The following SAP130 variants were observed in gnomAD, a reference collection of about 807,000 sequenced individuals.
The protein encoded by SAP130 is histone deacetylase complex subunit SAP130.
A neutral mutation model predicts 103.2 loss-of-function variants in SAP130; 16 were observed. The observed-to-expected ratio is 0.16, with a 90% CI of 0.10 to 0.24. The LOEUF (loss-of-function observed/expected upper bound fraction) is 0.24. Among genes scored for constraint, SAP130 ranks in the 10% least tolerant of loss-of-function variants. The pLI, the probability that SAP130 is intolerant of heterozygous loss-of-function variation, is 1.00. For missense variants in SAP130, 990 were observed against 1,359.7 expected, an observed-to-expected ratio of 0.73 and a Z score of 4.28; for synonymous variants, 477 against 497.0, an observed-to-expected ratio of 0.96 and a Z score of 0.53.
intron 2 of SAP130, among the ~76,000 whole-genome samples, chr2:128,020,143 TTTTA>T (rs1258948252): frequency 6.6e-6 from 1 of 152,212 alleles, no homozygotes; most frequent in Non-Finnish European, 1.5e-5. Flanking sequence ...AATTTTGGGT[TTTTA>T]TTCATTTGAC....
intron 12 of SAP130, among the ~76,000 whole-genome samples, chr2:127,991,688 C>G (rs1241897526): frequency 2.0e-5 from 3 of 152,136 alleles, no homozygotes; most frequent in African/African-American, 7.2e-5. Context: ...TCTTCAAAAT[C>G]TAGGGTATAT....
chr2:127,997,913 A>G (rs1683281851), intron 10 of SAP130, among the ~76,000 whole-genome samples: 1 of 152,188 alleles, frequency 6.6e-6, no homozygotes, highest in African/African-American at 2.4e-5. Context: ...CAGGAGTTCG[A>G]GACCAGCCTG....
chr2:127,970,541 TAAAAAAAAAAA>T (rs70985493), intron 15 of SAP130, among the ~76,000 whole-genome samples: 15 of 80,014 alleles, frequency 1.9e-4, no homozygotes, highest in Admixed American at 7.1e-4. Context: ...GACTCTGTCT[TAAAAAAAAAAA>T]AAAAAAAAAA....
At chr2:127,987,074 G>C (rs1682455920) in intron 13 of SAP130, 112 bp from the exon 14 acceptor site, 1 of 944,614 alleles carries the variant, frequency 1.1e-6, no homozygotes, top group South Asian at 1.6e-5. Flanking sequence ...TGTTCTAACT[G>C]TCCAATTTCA....
At chr2:128,016,625 C>A in intron 3 of SAP130, 78 bp from the exon 4 acceptor site, 1 of 1,463,802 alleles carries the variant, frequency 6.8e-7, no homozygotes, top group Non-Finnish European at 9.2e-7. Context: ...TAAGAGTGCA[C>A]AAATCGAACC....
At chr2:128,009,874 T>A (rs1214015648) in intron 7 of SAP130, among the ~76,000 whole-genome samples, 1 of 152,196 alleles carries the variant, frequency 6.6e-6, no homozygotes, top group Non-Finnish European at 1.5e-5. Flanking sequence ...CCGATAACCA[T>A]ATAGCTCACT....
Position 127,941,335 on chromosome 2 carries a change from G to A in SAP130, c.*671C>T, listed in dbSNP as rs534073717. On this transcript the variant is annotated 3_prime_UTR_variant, in exon 21 of 21. Transcript: ENST00000643581. ...TAACCAAGAATGTACTTCAGAACAA[G>A]GATCTGAGAGCAACTTATGGTGTTG... The A allele has an allele frequency of 6.6e-6, 1 of 152,288 alleles. No individual in the cohort carries two copies. The highest frequency in any genetic ancestry group is 1.9e-4 in the East Asian group (1 of 5,174). The allele number at this position is 152,288 out of a possible 1,614,324, so 9.4% of individuals were successfully genotyped here. A position where few individuals can be genotyped will look rare whatever the true frequency, so the allele number is the denominator to read the frequency against.
chr2:127,981,825 A>G (rs1308532893), intron 14 of SAP130, among the ~76,000 whole-genome samples: 1 of 134,770 alleles, frequency 7.4e-6, no homozygotes, highest in Non-Finnish European at 1.6e-5. Context: ...TCCCACCCCG[A>G]CCCAGTCCTC....
chr2:128,020,863 G>A (rs1022388620), intron 2 of SAP130, among the ~76,000 whole-genome samples: 1 of 152,088 alleles, frequency 6.6e-6, no homozygotes, highest in Admixed American at 6.5e-5. Context: ...GGGCATGATG[G>A]CGGTTGCCTG....
chr2:127,942,641 A>C lies in SAP130; in HGVS notation c.2902-104T>G. On this transcript the variant is annotated intron_variant, in intron 19 of 20. Coordinates refer to ENST00000643581, the MANE Select transcript of SAP130 (RefSeq NM_001330301.2). This position sits in a 1 kb window ranked among gnomAD's most constrained non-coding sequence, Gnocchi z 4.8. ...CAATCACCTTTGTAAACTGTCTAAG[A>C]GTTGTTTGGGTGACAACGTCCTTTC... The C allele has an allele frequency of 4.3e-6, 3 of 696,782 alleles. No individual in the cohort carries two copies. The highest frequency in any genetic ancestry group is 7.6e-6 in the Non-Finnish European group (3 of 392,794). 43.2% of individuals were successfully genotyped at this position (696,782 alleles called of 1,614,324 possible). A position where few individuals can be genotyped will look rare whatever the true frequency, so the allele number is the denominator to read the frequency against.
At chr2:128,027,008 A>T in intron 1 of SAP130, 1 of 1,244,684 alleles carries the variant, frequency 8.0e-7, no homozygotes, top group Non-Finnish European at 1.1e-6. Flanking sequence ...GACACCTCGG[A>T]GTGTGAGACC....
intron 15 of SAP130, among the ~76,000 whole-genome samples, chr2:127,961,510 T>C (rs1198938000): frequency 8.4e-5 from 8 of 95,024 alleles, no homozygotes; most frequent in Non-Finnish European, 1.8e-4. Context: ...ATATACCTCA[T>C]ACCTTGCTTT....
intron 15 of SAP130, among the ~76,000 whole-genome samples, chr2:127,964,933 A>C (rs1455298454): frequency 2.0e-5 from 3 of 151,218 alleles, no homozygotes; most frequent in Non-Finnish European, 4.4e-5. Flanking sequence ...CGGGAGGCGG[A>C]AGTTGCAGTG....
chr2:128,012,444 T>G (rs1175670190), intron 6 of SAP130, among the ~76,000 whole-genome samples: 1 of 152,084 alleles, frequency 6.6e-6, no homozygotes, highest in Non-Finnish European at 1.5e-5. Context: ...CACTTCAGCC[T>G]GGGCAACAGA....
Position 127,955,704 on chromosome 2 carries a change from T to C in SAP130, c.2064-360A>G, listed in dbSNP as rs1166337477. ...GGTTTCACCATGTTGCCCAGGCTGA[T>C]CTCCAACTCCTGAACTCAAGTGATC... On this transcript the variant is annotated intron_variant, in intron 15 of 20. Transcript: ENST00000643581. This position sits in a 1 kb window ranked among gnomAD's most constrained non-coding sequence, Gnocchi z 4.9. 2.0e-5 allele frequency among the ~76,000 whole-genome samples: 3 copies of C among 152,062 alleles called. No homozygotes were observed. Among genetic ancestry groups the C allele is most frequent in the Non-Finnish European group, 2.9e-5 (2 of 68,024 alleles).
At chr2:127,948,433 G>A (rs1333083601) in intron 18 of SAP130, among the ~76,000 whole-genome samples, 1 of 145,504 alleles carries the variant, frequency 6.9e-6, no homozygotes, top group Non-Finnish European at 1.5e-5. Flanking sequence ...TTTGCCTCCC[G>A]GGTTCAAGAG....
In SAP130 at chr2:127,996,551, C is replaced by CA. The variant is rs1314088544; in HGVS notation, c.1214-61dup. Reference sequence around the variant, plus strand: ...TACACTTTTTTTTGGCATGCCAAAACATTCTTGGCTAGCAGCAATCTTAGG... The same window carrying CA: ...TACACTTTTTTTTGGCATGCCAAAACAATTCTTGGCTAGCAGCAATCTTAGG... On this transcript the variant is annotated intron_variant, in intron 10 of 20. Transcript: ENST00000643581. The surrounding 1 kb of genome is among the most constrained non-coding windows in gnomAD (Gnocchi z 4.3). 195 of 1,381,470 alleles carry CA rather than the reference C, an allele frequency of 1.4e-4. No homozygotes were observed. Among genetic ancestry groups the CA allele is most frequent in the Admixed American group, 3.8e-4 (14 of 37,016 alleles). 85.6% of individuals were successfully genotyped at this position (1,381,470 alleles called of 1,614,324 possible). A position where few individuals can be genotyped will look rare whatever the true frequency, so the allele number is the denominator to read the frequency against.
chr2:128,017,898 G>T lies in SAP130; in HGVS notation c.130C>A (p.Arg44=). The T allele has an allele frequency of 6.2e-7, 1 of 1,614,016 alleles. No homozygotes were observed. Among genetic ancestry groups the T allele is most frequent in the South Asian group, 1.1e-5 (1 of 91,022 alleles). ...TCCCTGGCACTGACTTCAGAATCTC[G>T]ACCAGATTCATCATTGACTAGTAAA... ...PAATVNDESG[R]DSEVSAREHM... is the part of the protein sequence containing the mutation. Residue 44 remains arginine, a synonymous_variant, in exon 3 of 21, where the codon CGA becomes AGA. Transcript: ENST00000643581.
intron 18 of SAP130, among the ~76,000 whole-genome samples, 176 bp from the exon 19 acceptor site, chr2:127,945,735 C>T (rs911912620): frequency 3.3e-5 from 5 of 152,098 alleles, no homozygotes; most frequent in African/African-American, 4.8e-5. Context: ...TCACTGCAAC[C>T]CCTGCCTCCT....
Sources: allele counts gnomAD v4.1 joint callset (sites outside exome capture counted in the v4.1 genomes callset), GRCh38; gene constraint gnomAD v4.1.1; non-coding constraint Gnocchi (gnomAD v3.1); transcripts MANE v1.5; gene names NCBI Gene and HGNC (gene_info 2026-07-23, HGNC 2026-07-21).